DPYD: variants seen among roughly 807,000 people sequenced by gnomAD.
DPYD encodes the protein dihydropyrimidine dehydrogenase [NADP(+)].
A neutral mutation model predicts 116.2 loss-of-function variants in DPYD; 109 were observed. The ratio of observed to expected loss-of-function variants is 0.94; its 90% CI spans 0.80 to 1.10. The LOEUF is 1.10. DPYD is among the 50% of genes least tolerant of loss of function. The probability of loss-of-function intolerance (pLI) is 0.00; values close to 1 mark genes in which losing one functional copy is unlikely to be tolerated. For missense variants in DPYD, 1,302 were observed against 1,254.5 expected, an observed-to-expected ratio of 1.04 and a Z score of -0.57; for synonymous variants, 440 against 432.0, an observed-to-expected ratio of 1.02 and a Z score of -0.23.
chr1:97,371,590 AAGTC>A (rs1671313756), intron 16 of DPYD, among the ~76,000 whole-genome samples: 1 of 152,230 alleles, frequency 6.6e-6, no homozygotes, highest in South Asian at 2.1e-4. Flanking sequence ...TCACTTCAGA[AAGTC>A]AGAGTCACAG....
At chr1:97,747,480 C>T (rs1664622802) in intron 3 of DPYD, among the ~76,000 whole-genome samples, 1 of 152,068 alleles carries the variant, frequency 6.6e-6, no homozygotes, top group African/African-American at 2.4e-5. Context: ...AGAGTATGTA[C>T]TTAAAGGGAT....
chr1:97,834,301 G>T (rs1205595715), intron 2 of DPYD, among the ~76,000 whole-genome samples: 1 of 151,542 alleles, frequency 6.6e-6, no homozygotes, highest in African/African-American at 2.4e-5. Context: ...TATTTATTTA[G>T]AACATAATGG....
chr1:97,486,225 G>A (rs1678626407), intron 13 of DPYD, among the ~76,000 whole-genome samples: 1 of 152,110 alleles, frequency 6.6e-6, no homozygotes, highest in South Asian at 2.1e-4. Context: ...GTTCAGTTGT[G>A]ATTTACTTGT....
chr1:97,872,586 C>T (rs1456431384), intron 2 of DPYD, among the ~76,000 whole-genome samples: 2 of 151,902 alleles, frequency 1.3e-5, no homozygotes, highest in African/African-American at 4.8e-5. Flanking sequence ...GAGAATAAAT[C>T]TCTGACAACA....
chr1:97,527,304 C>A (rs1570903040), intron 12 of DPYD, among the ~76,000 whole-genome samples: 1 of 152,050 alleles, frequency 6.6e-6, no homozygotes, highest in East Asian at 1.9e-4. Context: ...GTCTTGATTT[C>A]CTGACCTCGT....
At chr1:97,271,734 A>G (rs1308966315) in intron 18 of DPYD, among the ~76,000 whole-genome samples, 1 of 152,058 alleles carries the variant, frequency 6.6e-6, no homozygotes, top group Admixed American at 6.6e-5. Context: ...ACCTTACCAC[A>G]TCCTCAAATA....
In DPYD at chr1:97,556,489, A is replaced by G. The variant is rs373608512; in HGVS notation, c.1340-6745T>C. ...CATCTAGCATTAGGTATATCTCCCA[A>G]TGCTATCCCTCCCCCCTCCCCCCAC... is the stretch of plus-strand genomic sequence containing the variant. On this transcript the variant is annotated intron_variant, in intron 11 of 22. Transcript: ENST00000370192. Among the ~76,000 whole-genome samples the G allele has an allele frequency of 2.8e-4, 35 of 127,124 alleles. No individual in the cohort carries two copies. The East Asian group carries it at 6.7e-3, about 24-fold the overall frequency. The allele number at this position is 127,124 out of a possible 152,430, so 83.4% of individuals were successfully genotyped here.
intron 20 of DPYD, among the ~76,000 whole-genome samples, chr1:97,106,723 C>T (rs1168631156): frequency 6.6e-6 from 1 of 152,138 alleles, no homozygotes. Flanking sequence ...CTGAATTACA[C>T]TACAAGCTTT....
intron 5 of DPYD, among the ~76,000 whole-genome samples, chr1:97,711,607 T>C (rs1662287673): frequency 6.6e-6 from 1 of 152,026 alleles, no homozygotes; most frequent in African/African-American, 2.4e-5. Context: ...ATGAAAATGA[T>C]GCATTCGTTC....
chr1:97,239,018 T>C (rs748711737), intron 18 of DPYD, among the ~76,000 whole-genome samples: 4 of 152,196 alleles, frequency 2.6e-5, no homozygotes, highest in Admixed American at 6.5e-5. Context: ...ACTGGACTTA[T>C]GAGTTGCAAC....
chr1:97,232,386 T>C (rs1431884592), intron 19 of DPYD, among the ~76,000 whole-genome samples: 1 of 152,232 alleles, frequency 6.6e-6, no homozygotes, highest in Non-Finnish European at 1.5e-5. Flanking sequence ...TGGATTTCTT[T>C]GAAGCTGCCC....
At chr1:97,629,646 C>A (rs1657133854) in intron 8 of DPYD, among the ~76,000 whole-genome samples, 1 of 151,816 alleles carries the variant, frequency 6.6e-6, no homozygotes, top group Non-Finnish European at 1.5e-5. Flanking sequence ...CAGGCCATTT[C>A]TGATAATCCT....
rs572699002 is a variant in DPYD, at chr1:97,445,633, C to G, written c.1905+4426G>C. ...TCTCACCTTTCTTCCCTTGAAGTTT[C>G]TGTCTCTGGTTTTGGCCAGAAACCT... is the stretch of plus-strand genomic sequence containing the variant. On this transcript the variant is annotated intron_variant, in intron 14 of 22. Coordinates refer to ENST00000370192, the MANE Select transcript of DPYD (RefSeq NM_000110.4). Among the ~76,000 whole-genome samples the G allele has an allele frequency of 4.6e-5, 7 of 152,186 alleles. No individual in the cohort carries two copies. The East Asian group carries it at 1.4e-3, about 29-fold the overall frequency.
At chr1:97,427,064 A>G (rs1012627133) in intron 14 of DPYD, among the ~76,000 whole-genome samples, 2 of 152,112 alleles carry the variant, frequency 1.3e-5, no homozygotes, top group Admixed American at 6.6e-5. Flanking sequence ...TTATGAACCT[A>G]TAGTATTTCT....
At chr1:97,200,551 A>G (rs1262074578) in intron 19 of DPYD, among the ~76,000 whole-genome samples, 2 of 152,186 alleles carry the variant, frequency 1.3e-5, no homozygotes, top group Non-Finnish European at 2.9e-5. Context: ...CAGGAAAAAG[A>G]AGGTTATATT....
intron 3 of DPYD, among the ~76,000 whole-genome samples, chr1:97,810,421 C>T (rs576829283): frequency 6.6e-6 from 1 of 152,108 alleles, no homozygotes; most frequent in African/African-American, 2.4e-5. Context: ...CCTATTTTCC[C>T]TTTAATTACA....
At chr1:97,255,202 CT>C (rs1365878651) in intron 18 of DPYD, among the ~76,000 whole-genome samples, 2 of 152,166 alleles carry the variant, frequency 1.3e-5, no homozygotes, top group African/African-American at 4.8e-5. Flanking sequence ...GGGAGCAAAG[CT>C]TCAGGGACAA....
intron 2 of DPYD, among the ~76,000 whole-genome samples, chr1:97,861,728 G>C (rs749036396): frequency 1.3e-5 from 2 of 151,858 alleles, no homozygotes; most frequent in Non-Finnish European, 2.9e-5. Flanking sequence ...AATGTATTGA[G>C]ATATAATTTT....
intron 2 of DPYD, among the ~76,000 whole-genome samples, chr1:97,838,432 A>C (rs900872498): frequency 3.3e-5 from 5 of 152,234 alleles, no homozygotes; most frequent in African/African-American, 1.2e-4. Context: ...TTTTGGAAAA[A>C]GGTTTTAAAA....
Sources: gnomAD v4.1 joint callset for allele counts (sites outside exome capture counted in the v4.1 genomes callset) on GRCh38, gnomAD v4.1.1 for gene constraint, MANE v1.5 for transcripts, NCBI Gene and HGNC (gene_info 2026-07-23, HGNC 2026-07-21) for gene names.